The following CPAMD8 variants were observed in gnomAD, a reference collection of about 807,000 sequenced individuals.
CPAMD8 encodes the protein C3 and PZP-like alpha-2-macroglobulin domain-containing protein 8.
In CPAMD8, 146 loss-of-function variants were observed where a neutral mutation model predicts 224.7. The ratio of observed to expected loss-of-function variants is 0.65; its 90% CI spans 0.57 to 0.75. CPAMD8 has a LOEUF of 0.75. Ranked by LOEUF, CPAMD8 falls within the 30% of genes least tolerant of loss-of-function variation. CPAMD8 has a pLI of 0.00. For missense variants in CPAMD8, 2,301 were observed against 2,537.5 expected (o/e 0.91, Z 2.00); for synonymous variants, 966 against 1,044.6 (o/e 0.92, Z 1.45).
At chr19:16,977,669 T>G (rs1342177645) in intron 14 of CPAMD8, 129 bp from the exon 15 acceptor site, 1 of 658,306 alleles carries the variant, frequency 1.5e-6, no homozygotes, top group Admixed American at 3.3e-5. Flanking sequence ...GTCTGCATCT[T>G]TGGTTTTGAG....
At chr19:16,964,845 C>T (rs2054773879) in intron 18 of CPAMD8, among the ~76,000 whole-genome samples, 1 of 152,186 alleles carries the variant, frequency 6.6e-6, no homozygotes, top group South Asian at 2.1e-4. Flanking sequence ...TTATCCACCA[C>T]GATCAAGTCA....
Position 16,944,498 on chromosome 19 carries a change from G to A in CPAMD8, c.2793+1051C>T, listed in dbSNP as rs374592012. 3.3e-5 allele frequency among the ~76,000 whole-genome samples: 5 copies of A among 152,158 alleles called. No individual in the cohort carries two copies. In the East Asian group the frequency reaches 7.7e-4, roughly 24 times the overall value. On this transcript the variant is annotated intron_variant, in intron 22 of 41. Transcript: ENST00000443236. The stretch of plus-strand genomic sequence containing the variant: ...AGGAGGCAAGAACGCCAGGCCTCCA[G>A]GTTCTGCAGCTCGGAGGGGCTCGCT...
Position 16,895,968 on chromosome 19 carries a change from T to C in CPAMD8, c.5426+208A>G, listed in dbSNP as rs998496624. On this transcript the variant is annotated intron_variant, in intron 41 of 41. Coordinates refer to ENST00000443236, the MANE Select transcript of CPAMD8 (RefSeq NM_015692.5). ...GCGCACAGCTGTTCGCTGGTGGGTGTTGCGTGGGCCAGGGTGGAGGGAGGA... is the reference window on the plus strand; with the variant it reads ...GCGCACAGCTGTTCGCTGGTGGGTGCTGCGTGGGCCAGGGTGGAGGGAGGA... 7.2e-6 allele frequency: 5 copies of C among 692,804 alleles called. No individual in the cohort carries two copies. The African/African-American group carries it at 8.8e-5, about 12-fold the overall frequency. 42.9% of individuals were successfully genotyped at this position (692,804 alleles called of 1,614,324 possible).
chr19:16,914,900 CCA>C (rs1484808482), intron 27 of CPAMD8, 87 bp from the exon 28 acceptor site: 16 of 905,844 alleles, frequency 1.8e-5, no homozygotes, highest in Non-Finnish European at 2.7e-5. Flanking sequence ...GCTCCTGGCA[CCA>C]CCCCCGGCCT....
At chr19:16,930,060 A>G (rs11881267) in intron 23 of CPAMD8, among the ~76,000 whole-genome samples, 13,129 of 151,960 alleles carry the variant, frequency 0.086, 1,681 homozygotes, top group African/African-American at 0.28. Flanking sequence ...TTTGAGACCA[A>G]CCTGACCCAC....
At chr19:17,017,797 G>A (rs1050657104) in intron 3 of CPAMD8, among the ~76,000 whole-genome samples, 5 of 152,186 alleles carry the variant, frequency 3.3e-5, no homozygotes, top group African/African-American at 4.8e-5. Flanking sequence ...TGGGAGGGCT[G>A]AGGTGGGCAG....
rs760736750 is a variant in CPAMD8, at chr19:16,989,738, C to A, written c.1300G>T (p.Gly434Trp). 3.1e-6 allele frequency: 5 copies of A among 1,613,828 alleles called. No homozygotes were observed. Among genetic ancestry groups the A allele is most frequent in the Non-Finnish European group, 4.2e-6 (5 of 1,179,908 alleles). The change falls in exon 13 of 42, where the codon GGG (glycine) becomes TGG (tryptophan). Residue 434 changes from glycine to tryptophan, a missense_variant. This residue lies in a region of CPAMD8 where 301 missense variants were observed against 406.6 expected (regional missense o/e 0.74). Coordinates refer to ENST00000443236, the MANE Select transcript of CPAMD8 (RefSeq NM_015692.5). ...KVMALNGKPV[G>W]AQYLPSYLSL... ...AGGTAGCTGGGCAGGTACTGAGCCC[C>A]CACAGGCTTCCCGTTCAGTGCCATC... is the stretch of plus-strand genomic sequence containing the variant.
At chr19:16,909,105 C>T (rs750879336) in intron 29 of CPAMD8, among the ~76,000 whole-genome samples, 2 of 152,274 alleles carry the variant, frequency 1.3e-5, no homozygotes, top group Non-Finnish European at 2.9e-5. Flanking sequence ...GCGGGTTGAA[C>T]GGTGGCCCAC....
chr19:16,896,192 C>T lies in CPAMD8; in HGVS notation c.5410G>A (p.Gly1804Arg), dbSNP rs2051975470. The change falls in exon 41 of 42, where the codon GGG becomes AGG. Residue 1804 changes from glycine (G) to arginine (R), a missense_variant. Coordinates refer to ENST00000443236, the MANE Select transcript of CPAMD8 (RefSeq NM_015692.5). ...AGCTGTTACCTGTCCTCCGCCTCCC[C>T]TTCAGGCTCAGGGTCTGAGTCCTCC... The part of the protein sequence containing the change: ...EVEDSDPEPE[G>R]EAEDRVTAGP... The T allele has an allele frequency of 6.2e-7, 1 of 1,613,732 alleles. No homozygotes were observed. The highest frequency in any genetic ancestry group is 1.1e-5 in the South Asian group (1 of 91,094).
intron 20 of CPAMD8, among the ~76,000 whole-genome samples, chr19:16,947,735 G>C (rs1053382376): frequency 4.6e-5 from 7 of 151,828 alleles, no homozygotes; most frequent in Non-Finnish European, 7.4e-5. Context: ...GTGCACACTT[G>C]TGTGCATGGA....
Position 16,892,951 on chromosome 19 carries a change from TGTGA to T in CPAMD8, c.*153_*156del, listed in dbSNP as rs1315823607. On this transcript the variant is annotated 3_prime_UTR_variant, in exon 42 of 42. Coordinates refer to ENST00000443236, the MANE Select transcript of CPAMD8 (RefSeq NM_015692.5). ...CAAAGTTCATGTGCACCCCAGAACA[TGTGA>T]GTAAGATCAGTAACGTGTATTCTTG... 26 of 758,360 alleles carry T rather than the reference TGTGA, an allele frequency of 3.4e-5. No homozygotes were observed. The highest frequency in any genetic ancestry group is 8.5e-5 in the African/African-American group (5 of 58,952). 47.0% of individuals were successfully genotyped at this position (758,360 alleles called of 1,614,324 possible). A position where few individuals can be genotyped will look rare whatever the true frequency, so the allele number is the denominator to read the frequency against.
At chr19:16,961,315 A>G (rs1284875192) in intron 18 of CPAMD8, among the ~76,000 whole-genome samples, 4 of 152,240 alleles carry the variant, frequency 2.6e-5, no homozygotes, top group Non-Finnish European at 5.9e-5. Context: ...TCGCCCAAAT[A>G]CTGAGCTTTT....
intron 10 of CPAMD8, among the ~76,000 whole-genome samples, chr19:16,999,313 G>A (rs1300554556): frequency 6.6e-6 from 1 of 152,022 alleles, no homozygotes; most frequent in Admixed American, 6.6e-5. Context: ...AGGCGCAGTG[G>A]CTCACGCCTG....
At chr19:16,910,083 C>CT (rs1174370165) in intron 29 of CPAMD8, among the ~76,000 whole-genome samples, 9 of 151,972 alleles carry the variant, frequency 5.9e-5, no homozygotes, top group Non-Finnish European at 1.0e-4. Flanking sequence ...GACTCCTGGA[C>CT]CCATGTGATC....
At chr19:16,986,894 G>A (rs995359389) in intron 13 of CPAMD8, among the ~76,000 whole-genome samples, 4 of 151,834 alleles carry the variant, frequency 2.6e-5, no homozygotes, top group East Asian at 1.9e-4. Flanking sequence ...GGTGGCTCAC[G>A]CCTGTAATCC....
At chr19:16,926,314 T>TTTTATTTTA (rs1190946460) in intron 25 of CPAMD8, among the ~76,000 whole-genome samples, 1 of 151,340 alleles carries the variant, frequency 6.6e-6, no homozygotes, top group African/African-American at 2.4e-5. Flanking sequence ...CTTTATTTTA[T>TTTTATTTTA]TTTATTTTAT....
At chr19:16,980,741 C>T (rs1244467489) in intron 13 of CPAMD8, 55 bp from the exon 14 acceptor site, 4 of 1,402,678 alleles carry the variant, frequency 2.9e-6, no homozygotes, top group Non-Finnish European at 3.8e-6. Context: ...TTGCAACCCA[C>T]CACAGGAAGA....
At chr19:16,965,821 C>G (rs1270676681) in intron 18 of CPAMD8, among the ~76,000 whole-genome samples, 1 of 152,066 alleles carries the variant, frequency 6.6e-6, no homozygotes, top group African/African-American at 2.4e-5. Flanking sequence ...AACTACAAAC[C>G]ACTGCTCAAT....
Position 16,990,863 on chromosome 19 carries a change from C to CAAAA in CPAMD8, c.1267-1096_1267-1093dup, listed in dbSNP as rs3067791. Among the ~76,000 whole-genome samples, 122 of 73,126 alleles carry CAAAA rather than the reference C, an allele frequency of 1.7e-3. 3 individuals are homozygous for CAAAA. The highest frequency in any genetic ancestry group is 9.3e-3 in the Middle Eastern group (1 of 108). The allele number at this position is 73,126 out of a possible 152,430, so 48.0% of individuals were successfully genotyped here. ...GGGCAATAAGAGCAAAACTCTGTCTCAAAAAAAAAAAAAAAAAAAAAAAAA... is the reference window on the plus strand; with the variant it reads ...GGGCAATAAGAGCAAAACTCTGTCTCAAAAAAAAAAAAAAAAAAAAAAAAAAAAA... On this transcript the variant is annotated intron_variant, in intron 12 of 41. Transcript: ENST00000443236.
Sources: gnomAD v4.1 joint callset for allele counts (sites outside exome capture counted in the v4.1 genomes callset) on GRCh38, gnomAD v4.1.1 for gene constraint, gnomAD v4.1.1 regional missense constraint, MANE v1.5 for transcripts, NCBI Gene and HGNC (gene_info 2026-07-23, HGNC 2026-07-21) for gene names.